Variants in DYNC1LI2 observed in about 807,000 individuals in gnomAD.
DYNC1LI2 encodes dynein cytoplasmic 1 light intermediate chain 2.
Under a neutral mutation model 57.8 loss-of-function variants are expected in DYNC1LI2, and 19 were observed. The ratio of observed to expected loss-of-function variants is 0.33; its 90% CI spans 0.23 to 0.48. The LOEUF (loss-of-function observed/expected upper bound fraction) is 0.48. Among genes scored for constraint, DYNC1LI2 ranks in the 20% least tolerant of loss-of-function variants. The probability of loss-of-function intolerance (pLI) is 0.99; values close to 1 mark genes in which losing one functional copy is unlikely to be tolerated. For synonymous variants in DYNC1LI2, 256 were observed against 233.4 expected (o/e 1.10, Z -0.88); for missense variants, 470 against 604.2 (o/e 0.78, Z 2.33).
chr16:66,743,270 T>C (rs909391515), intron 3 of DYNC1LI2, among the ~76,000 whole-genome samples: 2 of 151,658 alleles, frequency 1.3e-5, no homozygotes, highest in Non-Finnish European at 2.9e-5. Context: ...GAAGTAAAGA[T>C]TGAGGGTATC....
In DYNC1LI2 at chr16:66,751,529, G is replaced by T; in HGVS notation, c.63C>A (p.Ala21=). 6.3e-7 allele frequency: 1 copy of T among 1,588,078 alleles called. No homozygotes were observed. The highest frequency in any genetic ancestry group is 8.5e-7 in the Non-Finnish European group (1 of 1,169,712). The stretch of plus-strand genomic sequence containing the variant: ...CCTCCTCACTGGTCAGGTCGCCGGC[G>T]GCCGCCACCGCGGGCCCGTTGGGAC... ...LLGPNGPAVA[A]AGDLTSEEEE... The change falls in exon 1 of 13, where the codon GCC becomes GCA. Residue 21 remains alanine (A), a synonymous_variant. Coordinates refer to ENST00000258198, the MANE Select transcript of DYNC1LI2 (RefSeq NM_006141.3). This position sits in a 1 kb window ranked among gnomAD's most constrained non-coding sequence, Gnocchi z 5.2.
intron 3 of DYNC1LI2, 45 bp downstream of exon 3, chr16:66,749,152 A>T: frequency 1.0e-5 from 16 of 1,584,316 alleles, no homozygotes; most frequent in Non-Finnish European, 1.4e-5. Flanking sequence ...AAGCAGTCAG[A>T]GTCCTGCATA....
chr16:66,741,389 C>T (rs892003087), intron 4 of DYNC1LI2, among the ~76,000 whole-genome samples: 2 of 152,206 alleles, frequency 1.3e-5, no homozygotes, highest in Non-Finnish European at 2.9e-5. Flanking sequence ...CACAGTAGCA[C>T]ACATGCGGGT....
chr16:66,724,437 G>T (rs1202928511), intron 12 of DYNC1LI2, among the ~76,000 whole-genome samples: 1 of 152,130 alleles, frequency 6.6e-6, no homozygotes, highest in South Asian at 2.1e-4. Context: ...TAGAACATAG[G>T]AGCCACTGGA....
intron 4 of DYNC1LI2, chr16:66,738,117 G>A (rs1270801998): frequency 3.9e-5 from 6 of 152,090 alleles, no homozygotes; most frequent in South Asian, 4.2e-4. Context: ...AAGATTTGAC[G>A]TTACTATTAT....
At chr16:66,726,392 T>C (rs781535941) in intron 11 of DYNC1LI2, among the ~76,000 whole-genome samples, 7 of 152,234 alleles carry the variant, frequency 4.6e-5, no homozygotes, top group South Asian at 2.1e-4. Context: ...TGAAAAGTAA[T>C]TGAGCTTGAC....
intron 4 of DYNC1LI2, 42 bp downstream of exon 4, chr16:66,742,396 G>A: frequency 1.3e-6 from 2 of 1,585,646 alleles, no homozygotes; most frequent in African/African-American, 2.7e-5. Context: ...CATCTAAAGA[G>A]ACTCGTGAAC....
intron 8 of DYNC1LI2, 108 bp downstream of exon 8, chr16:66,730,004 C>G: frequency 1.2e-6 from 1 of 860,964 alleles, no homozygotes; most frequent in African/African-American, 1.7e-5. Context: ...TGGTCTCAAA[C>G]TCCTGACCTC....
At chr16:66,734,996 T>A (rs371238516) in intron 5 of DYNC1LI2, among the ~76,000 whole-genome samples, 17 of 12,614 alleles carry the variant, frequency 1.3e-3, no homozygotes, top group East Asian at 7.7e-3. Context: ...AAACTCCGTC[T>A]CAAAAAAAAA....
intron 7 of DYNC1LI2, 85 bp from the exon 8 acceptor site, chr16:66,730,308 G>A (rs538108308): frequency 8.6e-7 from 1 of 1,160,800 alleles, no homozygotes; most frequent in East Asian, 2.5e-5. Flanking sequence ...CTCCTGGGTA[G>A]GACACTTCTC....
At chr16:66,745,825 GCT>G (rs1260744108) in intron 3 of DYNC1LI2, among the ~76,000 whole-genome samples, 2 of 151,778 alleles carry the variant, frequency 1.3e-5, no homozygotes, top group Non-Finnish European at 2.9e-5. Flanking sequence ...GACTGCTCGA[GCT>G]CGGGAGGTGG....
chr16:66,734,176 G>C, intron 6 of DYNC1LI2, 42 bp downstream of exon 6: 1 of 1,598,016 alleles, frequency 6.3e-7, no homozygotes, highest in Non-Finnish European at 8.6e-7. Flanking sequence ...CCATTTGGAA[G>C]AAAGCCTGTG....
chr16:66,727,037 C>T (rs1395143909), intron 11 of DYNC1LI2, among the ~76,000 whole-genome samples: 1 of 152,034 alleles, frequency 6.6e-6, no homozygotes, highest in Admixed American at 6.6e-5. Flanking sequence ...GCCGCTTCAT[C>T]CACTTGAGTA....
chr16:66,732,141 A>G, intron 7 of DYNC1LI2, 198 bp downstream of exon 7: 1 of 619,992 alleles, frequency 1.6e-6, no homozygotes, highest in Non-Finnish European at 2.5e-6. Context: ...CGAGGAAGAA[A>G]GGCAGCACCC....
chr16:66,732,246 A>T, intron 7 of DYNC1LI2, 93 bp downstream of exon 7: 1 of 1,481,014 alleles, frequency 6.8e-7, no homozygotes, highest in South Asian at 1.4e-5. Flanking sequence ...TAGAAGACAC[A>T]GACAGAAGGC....
At chr16:66,732,514 G>GGA (rs764236751) in intron 6 of DYNC1LI2, 40 bp from the exon 7 acceptor site, 1 of 1,592,030 alleles carries the variant, frequency 6.3e-7, no homozygotes, top group South Asian at 1.1e-5. Flanking sequence ...CACTGCAGGA[G>GGA]GAGACAAAAT....
intron 3 of DYNC1LI2, among the ~76,000 whole-genome samples, chr16:66,744,047 T>C (rs754212821): frequency 2.6e-5 from 4 of 152,056 alleles, no homozygotes; most frequent in African/African-American, 9.7e-5. Context: ...TGAAATAAAA[T>C]TGATCAAGAA....
At chr16:66,743,352 G>A (rs1194278162) in intron 3 of DYNC1LI2, among the ~76,000 whole-genome samples, 2 of 151,374 alleles carry the variant, frequency 1.3e-5, no homozygotes, top group African/African-American at 2.4e-5. Context: ...TCACGAGGTC[G>A]GGAGTTCAAG....
chr16:66,746,131 C>A (rs1352052983), intron 3 of DYNC1LI2, among the ~76,000 whole-genome samples: 1 of 152,044 alleles, frequency 6.6e-6, no homozygotes, highest in African/African-American at 2.4e-5. Context: ...CTGTGAATGT[C>A]CTCAAAAATA....
Sources: gnomAD v4.1 joint callset for allele counts (sites outside exome capture counted in the v4.1 genomes callset) on GRCh38, gnomAD v4.1.1 for gene constraint, Gnocchi (gnomAD v3.1) non-coding constraint, MANE v1.5 for transcripts, NCBI Gene and HGNC (gene_info 2026-07-23, HGNC 2026-07-21) for gene names.